The following ASB18 variants were observed in gnomAD, a reference collection of about 807,000 sequenced individuals.
ASB18 encodes the protein ankyrin repeat and SOCS box protein 18.
A neutral mutation model predicts 33.4 loss-of-function variants in ASB18; 33 were observed. That is an observed-to-expected ratio of 0.99 (90% CI 0.75 to 1.32). The LOEUF is 1.32. Among genes scored for constraint, ASB18 ranks in the 40% most tolerant of loss-of-function variants. ASB18 has a pLI of 0.00. For missense variants in ASB18, 694 were observed against 655.5 expected, an observed-to-expected ratio of 1.06 and a Z score of -0.64; for synonymous variants, 295 against 307.6, an observed-to-expected ratio of 0.96 and a Z score of 0.43.
chr2:236,240,667 G>T (rs1576407952), intron 2 of ASB18, among the ~76,000 whole-genome samples: 1 of 152,202 alleles, frequency 6.6e-6, no homozygotes, highest in East Asian at 1.9e-4. Flanking sequence ...CTTTCCACTT[G>T]GGAGGTCTGC....
In ASB18 at chr2:236,214,894, G is replaced by C. The variant is rs555686516; in HGVS notation, c.597-28C>G. ...GTGGGAAGCCAGGGCCTGTCACTCG[G>C]GCGCCACGCAGGACGCCCGCACCCT... On this transcript the variant is annotated intron_variant, in intron 3 of 5. Coordinates refer to ENST00000409749, the MANE Select transcript of ASB18 (RefSeq NM_212556.4). The surrounding 1 kb of genome is among the most constrained non-coding windows in gnomAD (Gnocchi z 6.5). The C allele has an allele frequency of 1.7e-5, 20 of 1,207,586 alleles. No individual in the cohort carries two copies. The East Asian group carries it at 6.1e-4, about 37-fold the overall frequency. 74.8% of individuals were successfully genotyped at this position (1,207,586 alleles called of 1,614,324 possible). A position where few individuals can be genotyped will look rare whatever the true frequency, so the allele number is the denominator to read the frequency against.
At position 236,221,457 on chromosome 2, in the gene ASB18, TGG is replaced by T. The variant is rs1244530444; in HGVS notation, c.597-6593_597-6592del. ...GACCCGGTGGGAGATAATTGAATCA[TGG>T]GGGTGGTTTCCTTCATACTGTTCTC... is the stretch of plus-strand genomic sequence containing the variant. On this transcript the variant is annotated intron_variant, in intron 3 of 5. Coordinates refer to ENST00000409749, the MANE Select transcript of ASB18 (RefSeq NM_212556.4). This position sits in a 1 kb window ranked among gnomAD's most constrained non-coding sequence, Gnocchi z 5.6. Among the ~76,000 whole-genome samples the T allele has an allele frequency of 6.6e-6, 1 of 152,074 alleles. No individual in the cohort carries two copies. Among genetic ancestry groups the T allele is most frequent in the Non-Finnish European group, 1.5e-5 (1 of 67,994 alleles).
rs892721189 is a variant in ASB18, at chr2:236,209,866, C to T, written c.1101+4496G>A. Among the ~76,000 whole-genome samples the T allele has an allele frequency of 1.5e-4, 23 of 152,234 alleles. No individual in the cohort carries two copies. The highest frequency in any genetic ancestry group is 5.5e-4 in the African/African-American group (23 of 41,456). ...AACGACTAGCTCATTTTTCCAACTG[C>T]ACACATTGCCGTGCCTGTCCTGCTC... is the stretch of plus-strand genomic sequence containing the variant. On this transcript the variant is annotated intron_variant, in intron 4 of 5. Coordinates refer to ENST00000409749, the MANE Select transcript of ASB18 (RefSeq NM_212556.4). The surrounding 1 kb of genome is among the most constrained non-coding windows in gnomAD (Gnocchi z 4.4).
chr2:236,232,734 C>CAA (rs1265713153), intron 3 of ASB18, among the ~76,000 whole-genome samples: 3 of 149,368 alleles, frequency 2.0e-5, no homozygotes, highest in African/African-American at 7.4e-5. Flanking sequence ...AAAGCTCACT[C>CAA]AAAAAAAAAG....
rs977424366 is a variant in ASB18 at position 236,257,999 on chromosome 2, A to G, written c.205+6142T>C. 1.3e-5 allele frequency among the ~76,000 whole-genome samples: 2 copies of G among 152,218 alleles called. No individual in the cohort carries two copies. Among genetic ancestry groups the G allele is most frequent in the Non-Finnish European group, 2.9e-5 (2 of 68,030 alleles). On this transcript the variant is annotated intron_variant, in intron 1 of 5. Coordinates refer to ENST00000409749, the MANE Select transcript of ASB18 (RefSeq NM_212556.4). The surrounding 1 kb of genome is among the most constrained non-coding windows in gnomAD (Gnocchi z 5.5). ...AATTCCTCCTTCTTTGCCTCCGTGTAGGACCAGTTTCAGTTTGAACATACC... is the reference window on the plus strand; with the variant it reads ...AATTCCTCCTTCTTTGCCTCCGTGTGGGACCAGTTTCAGTTTGAACATACC...
chr2:236,258,661 G>A (rs1022933849), intron 1 of ASB18, among the ~76,000 whole-genome samples: 3 of 152,158 alleles, frequency 2.0e-5, no homozygotes, highest in African/African-American at 4.8e-5. Context: ...GTCATGGTTC[G>A]CCCTGCATCA....
Position 236,264,241 on chromosome 2 carries a change from T to G in ASB18, c.105A>C (p.Leu35Phe), listed in dbSNP as rs567154088. The G allele has an allele frequency of 1.9e-6, 3 of 1,613,964 alleles. No individual in the cohort carries two copies. Among genetic ancestry groups the G allele is most frequent in the South Asian group, 2.2e-5 (2 of 91,080 alleles). ...DAKDEERVRD[L>F]ICTEITPVDA... ...CCACAGGCGTGATTTCAGTGCAGATTAAATCCCTCACTCTCTCCTCATCTT... is the reference window on the plus strand; with the variant it reads ...CCACAGGCGTGATTTCAGTGCAGATGAAATCCCTCACTCTCTCCTCATCTT... The change falls in exon 1 of 6, where the codon TTA becomes TTC. Residue 35 changes from leucine to phenylalanine, a missense_variant. Leu to Phe is a conservative substitution (Grantham distance 22). Coordinates refer to ENST00000409749, the MANE Select transcript of ASB18 (RefSeq NM_212556.4). The surrounding 1 kb of genome is among the most constrained non-coding windows in gnomAD (Gnocchi z 5.1).
intron 4 of ASB18, among the ~76,000 whole-genome samples, chr2:236,201,522 AT>A (rs990199007): frequency 1.3e-5 from 2 of 148,914 alleles, no homozygotes; most frequent in African/African-American, 4.9e-5. Context: ...GTGCTATAAC[AT>A]TTTCAAATGG....
rs1484528320 is a variant in ASB18, at chr2:236,255,295, C to A, written c.205+8846G>T. On this transcript the variant is annotated intron_variant, in intron 1 of 5. Transcript: ENST00000409749. This position sits in a 1 kb window ranked among gnomAD's most constrained non-coding sequence, Gnocchi z 4.4. ...AGTAGCTGAAATTACAGGCGCCCAC[C>A]ACGACGCCCAGCTAATTTATATATT... Among the ~76,000 whole-genome samples, 1 of 152,090 alleles carries A rather than the reference C, an allele frequency of 6.6e-6. No homozygotes were observed.
chr2:236,203,619 A>T lies in ASB18; in HGVS notation c.1102-7234T>A, dbSNP rs2060417392. On this transcript the variant is annotated intron_variant, in intron 4 of 5. Coordinates refer to ENST00000409749, the MANE Select transcript of ASB18 (RefSeq NM_212556.4). This position sits in a 1 kb window ranked among gnomAD's most constrained non-coding sequence, Gnocchi z 6.0. ...GGTGGCTCATGCCTGTAATCCCAGCACTTTGGGAAGCCAAGGCAGGCAGAT... is the reference window on the plus strand; with the variant it reads ...GGTGGCTCATGCCTGTAATCCCAGCTCTTTGGGAAGCCAAGGCAGGCAGAT... Among the ~76,000 whole-genome samples, 1 of 152,176 alleles carries T rather than the reference A, an allele frequency of 6.6e-6. No individual in the cohort carries two copies. Among genetic ancestry groups the T allele is most frequent in the Non-Finnish European group, 1.5e-5 (1 of 68,034 alleles).
chr2:236,199,584 G>C (rs1279119088), intron 4 of ASB18, among the ~76,000 whole-genome samples: 1 of 149,746 alleles, frequency 6.7e-6, no homozygotes, highest in African/African-American at 2.5e-5. Flanking sequence ...ATATATACTA[G>C]ATCAGGCTAG....
Position 236,205,505 on chromosome 2 carries a change from C to CT in ASB18, c.1101+8856dup, listed in dbSNP as rs1330929186. 6.6e-6 allele frequency among the ~76,000 whole-genome samples: 1 copy of CT among 152,178 alleles called. No homozygotes were observed. Among genetic ancestry groups the CT allele is most frequent in the Non-Finnish European group, 1.5e-5 (1 of 68,032 alleles). ...TTTAATTTCTCTATAGTCCTTATCA[C>CT]TTTTTTGGTCTGTTGATCATGCTCA... On this transcript the variant is annotated intron_variant, in intron 4 of 5. Transcript: ENST00000409749. The surrounding 1 kb of genome is among the most constrained non-coding windows in gnomAD (Gnocchi z 5.4).
Position 236,213,283 on chromosome 2 carries a change from TCTAAC to T in ASB18, c.1101+1074_1101+1078del, listed in dbSNP as rs1264066669. 1.3e-5 allele frequency among the ~76,000 whole-genome samples: 2 copies of T among 152,052 alleles called. No homozygotes were observed. Among genetic ancestry groups the T allele is most frequent in the Non-Finnish European group, 2.9e-5 (2 of 68,004 alleles). The stretch of plus-strand genomic sequence containing the variant: ...CTAGGGGAGTTGTCTCGGGGGATTT[TCTAAC>T]CTTTCAGAGGCACAGTCTACTCTGA... On this transcript the variant is annotated intron_variant, in intron 4 of 5. Transcript: ENST00000409749. This position sits in a 1 kb window ranked among gnomAD's most constrained non-coding sequence, Gnocchi z 4.8.
In ASB18 at chr2:236,228,492, T is replaced by C. The variant is rs1489226069; in HGVS notation, c.596+9197A>G. ...GATTATTCAGCTCAATACCAATTAG[T>C]GTGTGGGCATGAGGAAACTACCTAA... On this transcript the variant is annotated intron_variant, in intron 3 of 5. Transcript: ENST00000409749. This position sits in a 1 kb window ranked among gnomAD's most constrained non-coding sequence, Gnocchi z 5.1. Among the ~76,000 whole-genome samples the C allele has an allele frequency of 1.3e-5, 2 of 152,106 alleles. No homozygotes were observed. The highest frequency in any genetic ancestry group is 1.3e-4 in the Admixed American group (2 of 15,276).
intron 4 of ASB18, chr2:236,210,333 C>T (rs1005792367): frequency 6.6e-6 from 1 of 152,210 alleles, no homozygotes; most frequent in African/African-American, 2.4e-5. Flanking sequence ...GACTGGTGGA[C>T]AAGTATGAGT....
rs766991291 is a variant in ASB18 at position 236,234,286 on chromosome 2, C to T, written c.596+3403G>A. 1.4e-4 allele frequency among the ~76,000 whole-genome samples: 22 copies of T among 152,190 alleles called. No homozygotes were observed. The highest frequency in any genetic ancestry group is 7.9e-4 in the Admixed American group (12 of 15,284). ...GCTGCTATGAGATGGTTTCTCAATG[C>T]CTTCTGGATCCTGAGGAGGCAGGGA... On this transcript the variant is annotated intron_variant, in intron 3 of 5. Coordinates refer to ENST00000409749, the MANE Select transcript of ASB18 (RefSeq NM_212556.4). The surrounding 1 kb of genome is among the most constrained non-coding windows in gnomAD (Gnocchi z 4.1).
Position 236,241,525 on chromosome 2 carries a change from A to T in ASB18, c.206-123T>A. ...TGGCCCTGGCTGTCTCTCCATTGAG[A>T]TGCCGTCGATTTCAGAAGAGTTCTT... is the stretch of plus-strand genomic sequence containing the variant. On this transcript the variant is annotated intron_variant, in intron 1 of 5. Transcript: ENST00000409749. This position sits in a 1 kb window ranked among gnomAD's most constrained non-coding sequence, Gnocchi z 4.2. 9.3e-7 allele frequency: 1 copy of T among 1,075,082 alleles called. No individual in the cohort carries two copies. Among genetic ancestry groups the T allele is most frequent in the South Asian group, 1.3e-5 (1 of 75,226 alleles). The allele number at this position is 1,075,082 out of a possible 1,614,324, so 66.6% of individuals were successfully genotyped here.
Position 236,221,768 on chromosome 2 carries a change from G to A in ASB18, c.597-6902C>T, listed in dbSNP as rs527807275. ...TGTTCTCCTTATGTGACTGCTCCTG[G>A]AATCCCTTCTGACAGACAGAAGGGG... On this transcript the variant is annotated intron_variant, in intron 3 of 5. Coordinates refer to ENST00000409749, the MANE Select transcript of ASB18 (RefSeq NM_212556.4). The surrounding 1 kb of genome is among the most constrained non-coding windows in gnomAD (Gnocchi z 5.6). Among the ~76,000 whole-genome samples, 8 of 152,226 alleles carry A rather than the reference G, an allele frequency of 5.3e-5. No homozygotes were observed. Among genetic ancestry groups the A allele is most frequent in the African/African-American group, 1.9e-4 (8 of 41,532 alleles).
At chr2:236,206,666 G>A (rs1246669546) in intron 4 of ASB18, among the ~76,000 whole-genome samples, 1 of 152,152 alleles carries the variant, frequency 6.6e-6, no homozygotes, top group African/African-American at 2.4e-5. Context: ...TAAACCACCT[G>A]TATCAGAGTC....
Sources: gnomAD v4.1 joint callset for allele counts (sites outside exome capture counted in the v4.1 genomes callset) on GRCh38, gnomAD v4.1.1 for gene constraint, Gnocchi (gnomAD v3.1) non-coding constraint, MANE v1.5 for transcripts, NCBI Gene and HGNC (gene_info 2026-07-23, HGNC 2026-07-21) for gene names.